The following ZMYM5 variants were observed in gnomAD, a reference collection of about 807,000 sequenced individuals.
ZMYM5 encodes the protein zinc finger MYM-type protein 5.
ZMYM5 carries 41 observed loss-of-function variants against 61.8 expected under a neutral mutation model. The ratio of observed to expected loss-of-function variants is 0.66; its 90% CI spans 0.52 to 0.86. ZMYM5 has a LOEUF of 0.86. Ranked by LOEUF, ZMYM5 falls within the 40% of genes least tolerant of loss-of-function variation. The probability of loss-of-function intolerance (pLI) is 0.00; values close to 1 mark genes in which losing one functional copy is unlikely to be tolerated. For missense variants in ZMYM5, 706 were observed against 786.7 expected, an observed-to-expected ratio of 0.90 and a Z score of 1.23; for synonymous variants, 257 against 276.4, an observed-to-expected ratio of 0.93 and a Z score of 0.70.
At chr13:19,861,050 C>T (rs1010555457) in intron 2 of ZMYM5, among the ~76,000 whole-genome samples, 3 of 151,424 alleles carry the variant, frequency 2.0e-5, no homozygotes, top group Non-Finnish European at 4.4e-5. Flanking sequence ...GGCACAAACA[C>T]AGTTCACTGC....
At chr13:19,853,389 A>G (rs1033548928) in intron 2 of ZMYM5, among the ~76,000 whole-genome samples, 1 of 152,198 alleles carries the variant, frequency 6.6e-6, no homozygotes, top group African/African-American at 2.4e-5. Flanking sequence ...AAAAGTAAGT[A>G]TAATTGGAAT....
chr13:19,832,030 G>C (rs1023443661), intron 7 of ZMYM5, among the ~76,000 whole-genome samples: 1 of 150,946 alleles, frequency 6.6e-6, no homozygotes, highest in African/African-American at 2.4e-5. Flanking sequence ...CTAACTTTTT[G>C]TATTTTTTGT....
chr13:19,854,511 G>C (rs951284884), intron 2 of ZMYM5, among the ~76,000 whole-genome samples: 1 of 151,734 alleles, frequency 6.6e-6, no homozygotes, highest in Admixed American at 6.6e-5. Context: ...TGTAATCCCA[G>C]CTACTCAGGA....
chr13:19,844,823 A>G (rs1167247171), intron 4 of ZMYM5, among the ~76,000 whole-genome samples: 2 of 152,132 alleles, frequency 1.3e-5, no homozygotes, highest in Non-Finnish European at 2.9e-5. Context: ...GGGTTTCATC[A>G]TGTTGGCCAG....
chr13:19,828,930 G>C (rs1891063597), intron 7 of ZMYM5, among the ~76,000 whole-genome samples: 1 of 152,030 alleles, frequency 6.6e-6, no homozygotes, highest in Non-Finnish European at 1.5e-5. Context: ...GGTCCCCTAA[G>C]AGTATAATGG....
In ZMYM5 at chr13:19,824,565, T is replaced by C. The variant is rs1389915549; in HGVS notation, c.1922A>G (p.Asp641Gly). Residue 641 changes from aspartate (D) to glycine (G), a missense_variant, in exon 8 of 8, where the codon GAT becomes GGT. By Grantham distance (94) the Asp-to-Gly change is moderately conservative. Transcript: ENST00000337963. ...ATCAATAGCTTTATTTTTTTTCAGA[T>C]CAGATTTTAATTTTGAGTACTTAAC... is the stretch of plus-strand genomic sequence containing the variant. ...NSVKYSKLKS[D>G]LKKNKAIDAA... The C allele has an allele frequency of 1.5e-6, 2 of 1,317,662 alleles. No homozygotes were observed. Among genetic ancestry groups the C allele is most frequent in the African/African-American group, 3.0e-5 (2 of 66,664 alleles). The allele number at this position is 1,317,662 out of a possible 1,614,324, so 81.6% of individuals were successfully genotyped here. A position where few individuals can be genotyped will look rare whatever the true frequency, so the allele number is the denominator to read the frequency against.
intron 1 of ZMYM5, among the ~76,000 whole-genome samples, chr13:19,862,738 G>C (rs545706577): frequency 6.6e-6 from 1 of 152,354 alleles, no homozygotes; most frequent in South Asian, 2.1e-4. Context: ...GGAGAGGGAA[G>C]GGTAAACGTC....
chr13:19,835,170 T>A (rs1473222498), intron 7 of ZMYM5, among the ~76,000 whole-genome samples: 2 of 152,028 alleles, frequency 1.3e-5, no homozygotes, highest in Non-Finnish European at 2.9e-5. Context: ...TTCTAAAAAA[T>A]TTTTAGTAGA....
Position 19,832,395 on chromosome 13 carries a change from C to T in ZMYM5, c.1251+3082G>A, listed in dbSNP as rs190754507. ...AGGCTGGAGTGCAGTGGCATGATCT[C>T]GGCCCACTGCAACCTCCACCTCCCA... On this transcript the variant is annotated intron_variant, in intron 7 of 7. Transcript: ENST00000337963. Among the ~76,000 whole-genome samples, 1,146 of 151,612 alleles carry T rather than the reference C, an allele frequency of 7.6e-3. 8 individuals are homozygous for T. The highest frequency in any genetic ancestry group is 0.014 in the South Asian group (68 of 4,788).
In ZMYM5 at chr13:19,838,878, C is replaced by T. The variant is rs1199570865; in HGVS notation, c.694G>A (p.Ala232Thr). The T allele has an allele frequency of 2.5e-6, 4 of 1,613,968 alleles. No individual in the cohort carries two copies. The highest frequency in any genetic ancestry group is 3.4e-6 in the Non-Finnish European group (4 of 1,180,034). Residue 232 changes from alanine (A) to threonine (T), a missense_variant, in exon 5 of 8, where the codon GCC becomes ACC. Coordinates refer to ENST00000337963, the MANE Select transcript of ZMYM5 (RefSeq NM_001142684.2). ...GCTGGTTTAGTAAGTTGTTGTTGGG[C>T]TGTAGGCTGGAAATTCTGCTTACGA... The part of the protein sequence containing the change: ...LLRKQNFQPT[A>T]QQQLTKPAKI...
intron 7 of ZMYM5, among the ~76,000 whole-genome samples, chr13:19,829,633 G>T (rs150415575): frequency 6.6e-6 from 1 of 152,052 alleles, no homozygotes; most frequent in Admixed American, 6.6e-5. Context: ...TGCCCAGGAG[G>T]AGTACAGTGG....
chr13:19,860,256 G>C (rs530796488), intron 2 of ZMYM5, among the ~76,000 whole-genome samples: 27 of 150,506 alleles, frequency 1.8e-4, no homozygotes, highest in African/African-American at 6.6e-4. Context: ...CTCCTGAGTA[G>C]TTGGAATGAC....
intron 2 of ZMYM5, among the ~76,000 whole-genome samples, chr13:19,854,485 C>A (rs566869573): frequency 3.9e-5 from 6 of 151,918 alleles, no homozygotes; most frequent in Non-Finnish European, 7.4e-5. Context: ...ATTAGTCAGT[C>A]GTGGTGGCAG....
chr13:19,840,901 TCTC>T (rs1304251698), intron 4 of ZMYM5, among the ~76,000 whole-genome samples: 1 of 151,252 alleles, frequency 6.6e-6, no homozygotes, highest in African/African-American at 2.4e-5. Context: ...ATGGTCTTGA[TCTC>T]CTGACCTCAT....
At chr13:19,852,529 T>C (rs1953352402) in intron 2 of ZMYM5, among the ~76,000 whole-genome samples, 1 of 152,184 alleles carries the variant, frequency 6.6e-6, no homozygotes, top group Non-Finnish European at 1.5e-5. Flanking sequence ...TCACTTATAT[T>C]CCATATGCTT....
rs1158722040 is a variant in ZMYM5 at position 19,848,727 on chromosome 13, G to A, written c.586+2628C>T. Among the ~76,000 whole-genome samples, 3 of 151,922 alleles carry A rather than the reference G, an allele frequency of 2.0e-5. No individual in the cohort carries two copies. The East Asian group carries it at 5.8e-4, about 29-fold the overall frequency. ...TTTTAATTTTTTTAGTAGAGATGGG[G>A]TTTCACCACGTTGGCCAGGGTGGTC... On this transcript the variant is annotated intron_variant, in intron 4 of 7. Transcript: ENST00000337963.
intron 7 of ZMYM5, among the ~76,000 whole-genome samples, chr13:19,826,022 G>A (rs1318721675): frequency 2.0e-5 from 3 of 147,878 alleles, no homozygotes; most frequent in African/African-American, 7.5e-5. Context: ...CTCCAGCCTG[G>A]GCAACAGAGC....
At chr13:19,848,436 T>C (rs1193871369) in intron 4 of ZMYM5, among the ~76,000 whole-genome samples, 3 of 151,942 alleles carry the variant, frequency 2.0e-5, no homozygotes, top group African/African-American at 7.2e-5. Context: ...TGTGAGCTAC[T>C]ACGTCCATCC....
rs1424793199 is a variant in ZMYM5 at position 19,824,880 on chromosome 13, G to A, written c.1607C>T (p.Thr536Ile). 1 of 1,355,910 alleles carries A rather than the reference G, an allele frequency of 7.4e-7. No individual in the cohort carries two copies. The highest frequency in any genetic ancestry group is 9.8e-7 in the Non-Finnish European group (1 of 1,015,480). The allele number at this position is 1,355,910 out of a possible 1,614,324, so 84.0% of individuals were successfully genotyped here. Reference protein sequence around the residue: ...PRILNIKQRDTLVENVPPQVR... With the variant: ...PRILNIKQRDILVENVPPQVR... ...TTGAGGCGGAACATTTTCAACAAGAGTGTCCCGTTGTTTAATATTCAAAAT... is the reference window on the plus strand; with the variant it reads ...TTGAGGCGGAACATTTTCAACAAGAATGTCCCGTTGTTTAATATTCAAAAT... The change falls in exon 8 of 8, where the codon ACT (threonine) becomes ATT (isoleucine). Residue 536 changes from threonine to isoleucine, a missense_variant. Physicochemically the swap from Thr to Ile is moderately conservative, Grantham distance 89. Transcript: ENST00000337963.
Sources: allele counts gnomAD v4.1 joint callset (sites outside exome capture counted in the v4.1 genomes callset), GRCh38; gene constraint gnomAD v4.1.1; transcripts MANE v1.5; gene names NCBI Gene and HGNC (gene_info 2026-07-23, HGNC 2026-07-21).